PTCHD4: variants seen among roughly 807,000 people sequenced by gnomAD.
PTCHD4 encodes patched domain-containing protein 4.
PTCHD4 carries 33 observed loss-of-function variants against 58.1 expected under a neutral mutation model. The ratio of observed to expected loss-of-function variants is 0.57; its 90% CI spans 0.43 to 0.76. The LOEUF (loss-of-function observed/expected upper bound fraction) is 0.76. PTCHD4 is among the 30% of genes least tolerant of loss of function. The probability of loss-of-function intolerance (pLI) is 0.00; values close to 1 mark genes in which losing one functional copy is unlikely to be tolerated. For missense variants in PTCHD4, 1,058 were observed against 1,027.1 expected (o/e 1.03, Z -0.41); for synonymous variants, 478 against 409.6 (o/e 1.17, Z -2.02).
intron 3 of PTCHD4, among the ~76,000 whole-genome samples, chr6:48,026,400 C>T (rs997501212): frequency 1.3e-5 from 2 of 152,220 alleles, no homozygotes; most frequent in South Asian, 2.1e-4. Flanking sequence ...GATTTTGCAG[C>T]AGACAATTTG....
Position 47,863,962 on chromosome 6 carries a change from A to G in PTCHD4, c.*14341T>C, listed in dbSNP as rs1255696704. 6.6e-6 allele frequency among the ~76,000 whole-genome samples: 1 copy of G among 151,964 alleles called. No individual in the cohort carries two copies. Among genetic ancestry groups the G allele is most frequent in the Non-Finnish European group, 1.5e-5 (1 of 67,930 alleles). On this transcript the variant is annotated 3_prime_UTR_variant, in exon 5 of 5. Coordinates refer to ENST00000339488, the MANE Select transcript of PTCHD4 (RefSeq NM_001384253.1). Reference sequence around the variant, plus strand: ...AAACTGGAATGTCTTTGCACTCTTCAACTATGCAGCCTTTCAGGCCTAGTG... The same window carrying G: ...AAACTGGAATGTCTTTGCACTCTTCGACTATGCAGCCTTTCAGGCCTAGTG...
chr6:47,964,878 A>G (rs927870475), intron 4 of PTCHD4, among the ~76,000 whole-genome samples: 1 of 152,182 alleles, frequency 6.6e-6, no homozygotes, highest in Non-Finnish European at 1.5e-5. Context: ...TTTATTTTCT[A>G]TGAAGTATGT....
At position 47,998,820 on chromosome 6, in the gene PTCHD4, C is replaced by A. The variant is rs1270096763; in HGVS notation, c.898+9814G>T. Reference sequence around the variant, plus strand: ...ATTAGAAAGGTCTGACACAGTAGGTCCATGTCAAAGCTCTAAAAGAAGAAC... The same window carrying A: ...ATTAGAAAGGTCTGACACAGTAGGTACATGTCAAAGCTCTAAAAGAAGAAC... On this transcript the variant is annotated intron_variant, in intron 4 of 4. Transcript: ENST00000339488. Among the ~76,000 whole-genome samples the A allele has an allele frequency of 2.6e-5, 4 of 152,096 alleles. No homozygotes were observed. The East Asian group carries it at 7.7e-4, about 29-fold the overall frequency.
At chr6:48,052,562 C>T (rs141037035) in intron 3 of PTCHD4, among the ~76,000 whole-genome samples, 47 of 152,058 alleles carry the variant, frequency 3.1e-4, no homozygotes, top group Admixed American at 7.9e-4. Flanking sequence ...TTGTGAAACT[C>T]TATGCACAAA....
rs75087146 is a variant in PTCHD4 at position 48,037,918 on chromosome 6, A to T, written c.418-28804T>A. Among the ~76,000 whole-genome samples, 941 of 150,560 alleles carry T rather than the reference A, an allele frequency of 6.3e-3. 4 individuals are homozygous for T. The highest frequency in any genetic ancestry group is 0.016 in the African/African-American group (656 of 41,138). The stretch of plus-strand genomic sequence containing the variant: ...AATGCTAAAAGTAAAAAAAAAAAAA[A>T]AAGTTCCTTTTATTTGTTATTGTTG... On this transcript the variant is annotated intron_variant, in intron 3 of 4. Transcript: ENST00000339488.
intron 4 of PTCHD4, among the ~76,000 whole-genome samples, chr6:47,992,758 G>A (rs931535177): frequency 4.6e-5 from 7 of 151,972 alleles, no homozygotes; most frequent in Non-Finnish European, 8.8e-5. Context: ...TTCTTTGAAT[G>A]TTTTCCTATA....
chr6:48,036,318 G>A (rs1235165649), intron 3 of PTCHD4, among the ~76,000 whole-genome samples: 4 of 152,104 alleles, frequency 2.6e-5, no homozygotes, highest in Non-Finnish European at 5.9e-5. Context: ...AGGTGAGGGA[G>A]CAGAAAATTA....
intron 3 of PTCHD4, among the ~76,000 whole-genome samples, chr6:48,019,671 G>A (rs1762993770): frequency 6.6e-6 from 1 of 151,568 alleles, no homozygotes; most frequent in Non-Finnish European, 1.5e-5. Flanking sequence ...GGCAGGCGGA[G>A]CTTGCACTGA....
chr6:48,014,668 A>G (rs1455427728), intron 3 of PTCHD4, among the ~76,000 whole-genome samples: 5 of 152,184 alleles, frequency 3.3e-5, no homozygotes, highest in Non-Finnish European at 7.4e-5. Context: ...ATAAAGTTTC[A>G]CTGGAGATGC....
Position 48,050,611 on chromosome 6 carries a change from A to G in PTCHD4, c.417+17619T>C, listed in dbSNP as rs115359296. The stretch of plus-strand genomic sequence containing the variant: ...CTCTAAGGGCTGTTGGTGACAACCA[A>G]ATAAATTCATGCACATTATTTGGAG... On this transcript the variant is annotated intron_variant, in intron 3 of 4. Transcript: ENST00000339488. 8.5e-3 allele frequency among the ~76,000 whole-genome samples: 1,296 copies of G among 152,152 alleles called. 23 individuals carry two copies. Among genetic ancestry groups the G allele is most frequent in the African/African-American group, 0.029 (1,194 of 41,536 alleles).
intron 3 of PTCHD4, among the ~76,000 whole-genome samples, chr6:48,055,461 T>A (rs1764377343): frequency 6.6e-6 from 1 of 152,154 alleles, no homozygotes; most frequent in Admixed American, 6.5e-5. Flanking sequence ...TATAAACCAC[T>A]TTTTAAGAGA....
At chr6:48,034,856 A>G (rs887077032) in intron 3 of PTCHD4, among the ~76,000 whole-genome samples, 4 of 152,120 alleles carry the variant, frequency 2.6e-5, no homozygotes, top group Admixed American at 1.3e-4. Flanking sequence ...AGTGACTAAT[A>G]ATAACATGCT....
chr6:48,047,833 T>C (rs918603077), intron 3 of PTCHD4, among the ~76,000 whole-genome samples: 2 of 151,858 alleles, frequency 1.3e-5, no homozygotes, highest in Non-Finnish European at 2.9e-5. Flanking sequence ...TTGGTCTTGA[T>C]TTTTCAAACT....
intron 4 of PTCHD4, among the ~76,000 whole-genome samples, chr6:47,929,050 G>A (rs1448576798): frequency 1.3e-5 from 2 of 151,424 alleles, no homozygotes; most frequent in African/African-American, 4.9e-5. Flanking sequence ...AGCTGCATTA[G>A]AATGAGGCTA....
At chr6:48,059,634 TCAAA>T (rs146823585) in intron 3 of PTCHD4, among the ~76,000 whole-genome samples, 3 of 151,388 alleles carry the variant, frequency 2.0e-5, no homozygotes, top group East Asian at 1.9e-4. Flanking sequence ...TGAGACTGTC[TCAAA>T]CAAACAAACA....
chr6:48,068,188 A>C lies in PTCHD4; in HGVS notation c.417+42T>G. 6.6e-7 allele frequency: 1 copy of C among 1,509,972 alleles called. No individual in the cohort carries two copies. The highest frequency in any genetic ancestry group is 8.9e-7 in the Non-Finnish European group (1 of 1,125,742). 93.5% of individuals were successfully genotyped at this position (1,509,972 alleles called of 1,614,324 possible). ...ATTTCTTATCCTGATTTCTCAACAC[A>C]CACAGATGGGAAAAAGTATAATTAT... On this transcript the variant is annotated intron_variant, in intron 3 of 4. Coordinates refer to ENST00000339488, the MANE Select transcript of PTCHD4 (RefSeq NM_001384253.1). The surrounding 1 kb of genome is among the most constrained non-coding windows in gnomAD (Gnocchi z 4.2).
intron 4 of PTCHD4, among the ~76,000 whole-genome samples, chr6:47,905,146 T>A (rs935825056): frequency 2.7e-5 from 4 of 150,564 alleles, no homozygotes; most frequent in African/African-American, 9.7e-5. Flanking sequence ...TGGCTGGAGA[T>A]GATGAGTTGT....
At chr6:47,883,678 A>G (rs529426549) in intron 4 of PTCHD4, among the ~76,000 whole-genome samples, 2 of 152,272 alleles carry the variant, frequency 1.3e-5, no homozygotes, top group East Asian at 3.9e-4. Context: ...ACTGGGCACT[A>G]TTGACACTTT....
chr6:48,017,006 C>A (rs569058084), intron 3 of PTCHD4, among the ~76,000 whole-genome samples: 1 of 152,254 alleles, frequency 6.6e-6, no homozygotes, highest in East Asian at 1.9e-4. Context: ...GCAGACACTG[C>A]AAAGATATTG....
Sources: allele counts gnomAD v4.1 joint callset (sites outside exome capture counted in the v4.1 genomes callset), GRCh38; gene constraint gnomAD v4.1.1; non-coding constraint Gnocchi (gnomAD v3.1); transcripts MANE v1.5; gene names NCBI Gene and HGNC (gene_info 2026-07-23, HGNC 2026-07-21).